The following ERVK3-1 variants were observed in gnomAD, a reference collection of about 807,000 sequenced individuals.
ERVK3-1 encodes HERV-K(HML6-1).
intron 2 of ERVK3-1, among the ~76,000 whole-genome samples, chr19:58,307,967 C>A (rs923593561): frequency 2.0e-5 from 3 of 152,174 alleles, no homozygotes; most frequent in African/African-American, 7.2e-5. Context: ...CCTTTGCCAA[C>A]AGGATATACA....
intron 2 of ERVK3-1, chr19:58,306,547 T>C (rs2051525065): frequency 6.6e-6 from 1 of 152,196 alleles, no homozygotes; most frequent in African/African-American, 2.4e-5. Context: ...ATTGTCCTCT[T>C]CTTATTCTGC....
exon 4 of ERVK3-1, chr19:58,315,421 C>T (rs1307942178): frequency 6.6e-6 from 1 of 152,224 alleles, no homozygotes; most frequent in Non-Finnish European, 1.5e-5. Context: ...CTCTTCTGGA[C>T]ACTTCATATA....
intron 2 of ERVK3-1, among the ~76,000 whole-genome samples, chr19:58,308,697 C>T (rs117171793): frequency 1.8e-4 from 28 of 152,232 alleles, no homozygotes; most frequent in Non-Finnish European, 3.7e-4. Flanking sequence ...ATTGATACTT[C>T]TTCTCCACCC....
rs773210127 is a variant in ERVK3-1 at position 58,313,285 on chromosome 19, G to T, written c.294+823G>T. Among the ~76,000 whole-genome samples, 4 of 152,044 alleles carry T rather than the reference G, an allele frequency of 2.6e-5. No individual in the cohort carries two copies. Among genetic ancestry groups the T allele is most frequent in the South Asian group, 2.1e-4 (1 of 4,826 alleles). ...TCAATTTACGGTTTGTGGGTTTTTT[G>T]TTGTTGTTGTTAACTGTTTGAGATG... On this transcript the variant is annotated intron_variant, in intron 3 of 3. Transcript: ENST00000413518. This position sits in a 1 kb window ranked among gnomAD's most constrained non-coding sequence, Gnocchi z 4.5.
intron 2 of ERVK3-1, among the ~76,000 whole-genome samples, chr19:58,308,580 A>C (rs181338607): frequency 6.6e-6 from 1 of 152,308 alleles, no homozygotes; most frequent in East Asian, 1.9e-4. Flanking sequence ...GGGATATCAG[A>C]GTGGGAAAGG....
intron 1 of ERVK3-1, among the ~76,000 whole-genome samples, chr19:58,305,725 T>C (rs1262915595): frequency 1.3e-5 from 2 of 152,256 alleles, no homozygotes; most frequent in East Asian, 3.9e-4. Flanking sequence ...CACTGGAGGC[T>C]CTATGAGCAA....
At chr19:58,315,058 C>G (rs1313652110) in exon 4 of ERVK3-1, 1 of 337,694 alleles carries the variant, frequency 3.0e-6, no homozygotes, top group African/African-American at 2.1e-5. Context: ...AGAAAGGAAT[C>G]ATGTGGGCCT....
exon 4 of ERVK3-1, chr19:58,315,127 T>C (rs1207742298): frequency 2.3e-5 from 5 of 216,716 alleles, no homozygotes; most frequent in South Asian, 1.8e-4. Context: ...CTCTACCTAA[T>C]AAATATGAAG....
At chr19:58,315,957 C>G (rs574330711), downstream of ERVK3-1, among the ~76,000 whole-genome samples, 1 of 152,296 alleles carries the variant, frequency 6.6e-6, no homozygotes, top group South Asian at 2.1e-4. Context: ...TCACTAGCAA[C>G]CTGGGACCTC....
downstream of ERVK3-1, among the ~76,000 whole-genome samples, chr19:58,315,910 G>A (rs1039514224): frequency 6.6e-6 from 1 of 152,168 alleles, no homozygotes; most frequent in African/African-American, 2.4e-5. Context: ...AAGAGAAGGC[G>A]GCAGTGGCCC....
At chr19:58,315,320 G>A (rs2051585166) in exon 4 of ERVK3-1, 1 of 152,256 alleles carries the variant, frequency 6.6e-6, no homozygotes, top group Non-Finnish European at 1.5e-5. Flanking sequence ...TCAGGTGTGT[G>A]AGTATCCCTC....
chr19:58,315,843 GCCTGGGCC>G, downstream of ERVK3-1, among the ~76,000 whole-genome samples: 1 of 152,232 alleles, frequency 6.6e-6, no homozygotes, highest in African/African-American at 2.4e-5. Flanking sequence ...AGAATCCCAG[GCCTGGGCC>G]CCTGAAGTCA....
intron 2 of ERVK3-1, chr19:58,311,903 AC>A (rs2051558915): frequency 3.6e-6 from 1 of 281,146 alleles, no homozygotes; most frequent in Non-Finnish European, 6.6e-6. Context: ...TACATCAAAC[AC>A]TACAACGCAT....
exon 4 of ERVK3-1, chr19:58,315,341 T>C (rs1388579790): frequency 6.6e-6 from 1 of 152,240 alleles, no homozygotes; most frequent in East Asian, 1.9e-4. Context: ...ATACCCCTTA[T>C]CATCACTGCC....
chr19:58,314,232 A>G (rs1409121071), intron 3 of ERVK3-1, among the ~76,000 whole-genome samples: 2 of 152,322 alleles, frequency 1.3e-5, no homozygotes, highest in African/African-American at 4.8e-5. Context: ...ATTACTTTTG[A>G]TATCAGTAAC....
intron 2 of ERVK3-1, chr19:58,311,407 A>G (rs2051555932): frequency 6.6e-6 from 1 of 152,200 alleles, no homozygotes; most frequent in Non-Finnish European, 1.5e-5. Context: ...TAAATTCATC[A>G]GTTCTATATT....
chr19:58,311,307 C>G (rs930088884), intron 2 of ERVK3-1: 1 of 152,226 alleles, frequency 6.6e-6, no homozygotes, highest in African/African-American at 2.4e-5. Flanking sequence ...AAAAGCTGTT[C>G]GCTCTCATGC....
downstream of ERVK3-1, among the ~76,000 whole-genome samples, chr19:58,316,551 A>G (rs1410789022): frequency 6.6e-6 from 1 of 152,184 alleles, no homozygotes. Flanking sequence ...CATGCCTGTA[A>G]TCCCAGCTAC....
At chr19:58,309,662 C>G (rs2147969581) in intron 2 of ERVK3-1, 1 of 152,342 alleles carries the variant, frequency 6.6e-6, no homozygotes, top group South Asian at 2.1e-4. Flanking sequence ...TTTATTCTTC[C>G]TACCCCCCAT....
Sources: gnomAD v4.1 joint callset for allele counts (sites outside exome capture counted in the v4.1 genomes callset) on GRCh38, gnomAD v4.1.1 for gene constraint, Gnocchi (gnomAD v3.1) non-coding constraint, MANE v1.5 for transcripts, NCBI Gene and HGNC (gene_info 2026-07-23, HGNC 2026-07-21) for gene names.